Variants in DCUN1D2 observed in about 807,000 individuals in gnomAD.
The protein encoded by DCUN1D2 is DCN1-like protein 2.
In DCUN1D2, 29 loss-of-function variants were observed where a neutral mutation model predicts 30.9. That is an observed-to-expected ratio of 0.94 (90% CI 0.70 to 1.28). DCUN1D2 has a LOEUF of 1.28. DCUN1D2 is among the 50% of genes most tolerant of loss of function. The pLI, the probability that DCUN1D2 is intolerant of heterozygous loss-of-function variation, is 0.00. For synonymous variants in DCUN1D2, 121 were observed against 115.3 expected (o/e 1.05, Z -0.32); for missense variants, 325 against 316.9 (o/e 1.03, Z -0.19).
At position 113,480,669 on chromosome 13, in the gene DCUN1D2, T is replaced by C. The variant is rs2044692275; in HGVS notation, c.295A>G (p.Ser99Gly). 1 of 1,614,152 alleles carries C rather than the reference T, an allele frequency of 6.2e-7. No individual in the cohort carries two copies. The highest frequency in any genetic ancestry group is 8.5e-7 in the Non-Finnish European group (1 of 1,180,012). The change falls in exon 3 of 7, where the codon AGT becomes GGT. Residue 99 changes from serine to glycine, a missense_variant. Physicochemically the swap from Ser to Gly is moderately conservative, Grantham distance 56 (BLOSUM62 0). Coordinates refer to ENST00000478244, the MANE Select transcript of DCUN1D2 (RefSeq NM_001014283.2). ...FCDDLSLDPA[S>G]ISVLVIAWKF... ...CACGCTATGACCAATACACTGATAC[T>C]GGCAGGATCCAGGCTCAGATCATCA... is the stretch of plus-strand genomic sequence containing the variant.
At chr13:113,467,714 A>G (rs1243730661) in intron 4 of DCUN1D2, among the ~76,000 whole-genome samples, 4 of 152,176 alleles carry the variant, frequency 2.6e-5, no homozygotes, top group East Asian at 1.9e-4. Context: ...ATTACCATAC[A>G]TTCCAGTAAT....
chr13:113,491,065 G>C (rs112329358), upstream of DCUN1D2: 1,589 of 155,356 alleles, frequency 0.01, 26 homozygotes, highest in African/African-American at 0.036. Flanking sequence ...TGCTGGGCAG[G>C]GCGGCGGCCG....
chr13:113,469,771 C>T (rs966729341), intron 4 of DCUN1D2, among the ~76,000 whole-genome samples: 2 of 148,068 alleles, frequency 1.4e-5, no homozygotes, highest in Non-Finnish European at 3.1e-5. Flanking sequence ...CCCAAGAATT[C>T]GAGGCTGCAG....
At chr13:113,475,417 C>T (rs759109766) in intron 3 of DCUN1D2, 2 of 152,312 alleles carry the variant, frequency 1.3e-5, no homozygotes, top group African/African-American at 4.8e-5. Context: ...GAGCAACAGG[C>T]TGCACCACAG....
At position 113,488,637 on chromosome 13, in the gene DCUN1D2, G is replaced by A. The variant is rs775152620; in HGVS notation, c.3+2030C>T. On this transcript the variant is annotated intron_variant, in intron 1 of 6. Coordinates refer to ENST00000478244, the MANE Select transcript of DCUN1D2 (RefSeq NM_001014283.2). The surrounding 1 kb of genome is among the most constrained non-coding windows in gnomAD (Gnocchi z 4.3). ...GGCCCAGACATTGGCAGTAAGCTTT[G>A]AGTGCACCAAGAGAGGACTGAACCC... Among the ~76,000 whole-genome samples the A allele has an allele frequency of 7.2e-5, 11 of 152,196 alleles. No individual in the cohort carries two copies. The highest frequency in any genetic ancestry group is 9.7e-5 in the African/African-American group (4 of 41,440).
intron 4 of DCUN1D2, among the ~76,000 whole-genome samples, chr13:113,467,485 T>A (rs2044425037): frequency 6.7e-6 from 1 of 150,002 alleles, no homozygotes; most frequent in African/African-American, 2.5e-5. Flanking sequence ...GAATTAAAAT[T>A]TGTGACACCA....
At chr13:113,489,431 A>C (rs1016752712) in intron 1 of DCUN1D2, among the ~76,000 whole-genome samples, 2 of 152,178 alleles carry the variant, frequency 1.3e-5, no homozygotes, top group Admixed American at 1.3e-4. Flanking sequence ...TGCTGCGGTC[A>C]GTGGGATCTT....
At chr13:113,459,952 T>C (rs2044291856) in intron 5 of DCUN1D2, among the ~76,000 whole-genome samples, 2 of 152,208 alleles carry the variant, frequency 1.3e-5, no homozygotes, top group South Asian at 4.1e-4. Context: ...GCTTTTCCAG[T>C]ATTCTGCCGT....
chr13:113,485,911 T>C (rs2044794259), intron 1 of DCUN1D2, among the ~76,000 whole-genome samples: 1 of 152,088 alleles, frequency 6.6e-6, no homozygotes, highest in Admixed American at 6.5e-5. Flanking sequence ...GCCTGTGATA[T>C]CACAGGAATG....
chr13:113,463,437 A>G (rs2044349727), intron 4 of DCUN1D2, among the ~76,000 whole-genome samples: 1 of 152,084 alleles, frequency 6.6e-6, no homozygotes, highest in Admixed American at 6.5e-5. Context: ...CACACCTGTA[A>G]TCATAGCACT....
intron 4 of DCUN1D2, among the ~76,000 whole-genome samples, chr13:113,472,324 C>T (rs181775052): frequency 6.6e-5 from 10 of 152,244 alleles, no homozygotes; most frequent in African/African-American, 2.2e-4. Context: ...AGCCTGGAAA[C>T]GACGACTCTG....
At chr13:113,480,335 A>G in intron 3 of DCUN1D2, 1 of 353,078 alleles carries the variant, frequency 2.8e-6, no homozygotes, top group Non-Finnish European at 5.1e-6. Flanking sequence ...AAAGAAGAAA[A>G]TGAGTTACAA....
chr13:113,461,894 T>C (rs1438284122), intron 4 of DCUN1D2, among the ~76,000 whole-genome samples: 1 of 152,214 alleles, frequency 6.6e-6, no homozygotes, highest in Non-Finnish European at 1.5e-5. Context: ...ACCAGAAGCT[T>C]GATAACGATT....
intron 4 of DCUN1D2, among the ~76,000 whole-genome samples, chr13:113,470,816 G>A (rs1159466990): frequency 6.7e-6 from 1 of 148,594 alleles, no homozygotes; most frequent in Non-Finnish European, 1.5e-5. Context: ...CAACTCCACA[G>A]GGGACCCAAC....
chr13:113,458,414 C>T (rs754056451), intron 6 of DCUN1D2, among the ~76,000 whole-genome samples: 7 of 152,156 alleles, frequency 4.6e-5, no homozygotes, highest in Non-Finnish European at 8.8e-5. Flanking sequence ...CTAAATGGAC[C>T]CCCGCGGAGC....
At position 113,490,495 on chromosome 13, in the gene DCUN1D2, G is replaced by T; in HGVS notation, c.3+172C>A. ...CTCCCCGCGGTCCCGCGCCTCCGAC[G>T]CCACCGCTCCGGCTCGCGGGCCCGC... is the stretch of plus-strand genomic sequence containing the variant. On this transcript the variant is annotated intron_variant, in intron 1 of 6. Coordinates refer to ENST00000478244, the MANE Select transcript of DCUN1D2 (RefSeq NM_001014283.2). The surrounding 1 kb of genome is among the most constrained non-coding windows in gnomAD (Gnocchi z 5.2). The T allele has an allele frequency of 2.9e-6, 2 of 694,862 alleles. No individual in the cohort carries two copies. The highest frequency in any genetic ancestry group is 3.2e-5 in the South Asian group (1 of 31,118). 43.0% of individuals were successfully genotyped at this position (694,862 alleles called of 1,614,324 possible).
chr13:113,483,838 AC>A lies in DCUN1D2; in HGVS notation c.220+1del. 1 of 1,611,888 alleles carries A rather than the reference AC, an allele frequency of 6.2e-7. No individual in the cohort carries two copies. Among genetic ancestry groups the A allele is most frequent in the East Asian group, 2.2e-5 (1 of 44,884 alleles). ...TCCGGCTTTGCTGCAGTCTCCTCTT[AC>A]CTTTGTACCTGCCGTACAGCCGCTC... On this transcript the variant is annotated splice_donor_variant, in intron 2 of 6. Transcript: ENST00000478244. LOFTEE classifies it high-confidence loss of function.
chr13:113,484,280 A>C, intron 1 of DCUN1D2: 1 of 937,334 alleles, frequency 1.1e-6, no homozygotes, highest in Non-Finnish European at 1.5e-6. Flanking sequence ...ATTTTATACA[A>C]AATACATTCT....
intron 4 of DCUN1D2, among the ~76,000 whole-genome samples, chr13:113,464,747 T>C (rs1396604359): frequency 6.6e-6 from 1 of 152,256 alleles, no homozygotes; most frequent in Admixed American, 6.5e-5. Context: ...GAAAGGCCAC[T>C]CAGCAGAATC....
Sources: allele counts gnomAD v4.1 joint callset (sites outside exome capture counted in the v4.1 genomes callset), GRCh38; gene constraint gnomAD v4.1.1; non-coding constraint Gnocchi (gnomAD v3.1); transcripts MANE v1.5; gene names NCBI Gene and HGNC (gene_info 2026-07-23, HGNC 2026-07-21).